Variants in CSMD3 observed in about 807,000 individuals in gnomAD.
The protein encoded by CSMD3 is CUB and Sushi multiple domains 3, also known as CUB and sushi domain-containing protein 3.
A neutral mutation model predicts 435.2 loss-of-function variants in CSMD3; 177 were observed. The ratio of observed to expected loss-of-function variants is 0.41; its 90% CI spans 0.36 to 0.46. The LOEUF (loss-of-function observed/expected upper bound fraction) is 0.46, where lower values mean the gene tolerates loss of function less well. Among genes scored for constraint, CSMD3 ranks in the 20% least tolerant of loss-of-function variants. The pLI is 0.34. For synonymous variants in CSMD3, 1,656 were observed against 1,520.5 expected, an observed-to-expected ratio of 1.09 and a Z score of -2.07; for missense variants, 4,265 against 4,504.6, an observed-to-expected ratio of 0.95 and a Z score of 1.52.
At chr8:113,322,663 A>G (rs998520599) in intron 1 of CSMD3, among the ~76,000 whole-genome samples, 1 of 152,206 alleles carries the variant, frequency 6.6e-6, no homozygotes, top group Non-Finnish European at 1.5e-5. Context: ...TTGATTCTAT[A>G]GATAAATTGG....
chr8:112,324,582 G>GT (rs375902979), intron 45 of CSMD3, among the ~76,000 whole-genome samples: 151 of 149,256 alleles, frequency 1.0e-3, no homozygotes, highest in Middle Eastern at 3.5e-3. Flanking sequence ...TGTGTGTGTG[G>GT]GTGTGTGTGT....
chr8:112,302,767 G>T (rs956535302), intron 52 of CSMD3, among the ~76,000 whole-genome samples: 2 of 151,722 alleles, frequency 1.3e-5, no homozygotes, highest in African/African-American at 4.8e-5. Context: ...ACTTGCAAGA[G>T]TTGCATATCA....
chr8:112,373,027 T>A (rs1329169851), intron 38 of CSMD3, among the ~76,000 whole-genome samples: 2 of 147,414 alleles, frequency 1.4e-5, no homozygotes, highest in South Asian at 2.1e-4. Flanking sequence ...TATATATTTT[T>A]TTTCTCATGA....
At position 112,800,274 on chromosome 8, in the gene CSMD3, C is replaced by A. The variant is rs2132330455; in HGVS notation, c.1860G>T (p.Val620=). The change falls in exon 13 of 71, where the codon GTG becomes GTT. Residue 620 remains valine (V), a splice_region_variant and synonymous_variant. Transcript: ENST00000297405. ...EVGDPRTVLQ[V]LTGSFVPDLI... is the part of the protein sequence containing the mutation. ...AGTCTGGTACAAAGCTTCCAGTCAG[C>A]CTAAAAAGAGATGGACAAAGAAGGG... is the stretch of plus-strand genomic sequence containing the variant. 1 of 1,601,704 alleles carries A rather than the reference C, an allele frequency of 6.2e-7. No individual in the cohort carries two copies. Among genetic ancestry groups the A allele is most frequent in the Non-Finnish European group, 8.6e-7 (1 of 1,169,220 alleles).
At chr8:113,202,789 G>A (rs1490867717) in intron 3 of CSMD3, among the ~76,000 whole-genome samples, 3 of 152,034 alleles carry the variant, frequency 2.0e-5, no homozygotes, top group Non-Finnish European at 4.4e-5. Context: ...TTATCTGTAG[G>A]TATAGACTTT....
intron 16 of CSMD3, among the ~76,000 whole-genome samples, chr8:112,669,768 A>G (rs1014402462): frequency 2.6e-5 from 4 of 152,146 alleles, no homozygotes; most frequent in Admixed American, 1.3e-4. Context: ...ACTTCTACTA[A>G]TGAACATTTA....
At chr8:112,587,992 T>C (rs1022574582) in intron 22 of CSMD3, among the ~76,000 whole-genome samples, 6 of 151,870 alleles carry the variant, frequency 4.0e-5, no homozygotes, top group African/African-American at 1.4e-4. Context: ...TCGAACTTAA[T>C]TTTAATGTAT....
Position 113,355,770 on chromosome 8 carries a change from G to GGT in CSMD3, c.179-40979_179-40978dup, listed in dbSNP as rs368397249. 1.3e-3 allele frequency among the ~76,000 whole-genome samples: 13 copies of GGT among 10,372 alleles called. 1 individual carries two copies. The South Asian group carries it at 0.015, about 12-fold the overall frequency. The allele number at this position is 10,372 out of a possible 152,430, so 6.8% of individuals were successfully genotyped here. ...TATATACACACACACACACACACGGGGTGTGTGTGTGTGTGTGTGTGTGTT... is the reference window on the plus strand; with the variant it reads ...TATATACACACACACACACACACGGGGTGTGTGTGTGTGTGTGTGTGTGTGTT... On this transcript the variant is annotated intron_variant, in intron 1 of 70. Coordinates refer to ENST00000297405, the MANE Select transcript of CSMD3 (RefSeq NM_198123.2).
intron 13 of CSMD3, among the ~76,000 whole-genome samples, chr8:112,782,059 G>A (rs1384027937): frequency 6.6e-6 from 1 of 151,934 alleles, no homozygotes; most frequent in African/African-American, 2.4e-5. Flanking sequence ...CAAACATCAA[G>A]ACCATTCAGG....
intron 13 of CSMD3, among the ~76,000 whole-genome samples, chr8:112,717,953 C>A (rs1340042457): frequency 6.6e-6 from 1 of 151,990 alleles, no homozygotes; most frequent in Non-Finnish European, 1.5e-5. Flanking sequence ...AGGACAAATA[C>A]CTTATGCATG....
In CSMD3 at chr8:112,739,518, A is replaced by C. The variant is rs2077257520; in HGVS notation, c.1973-49468T>G. ...GTTGTTTGTGCAGGAAGAAACAATG[A>C]GAACAAATTCAATTTGGCATTTCCA... On this transcript the variant is annotated intron_variant, in intron 13 of 70. Coordinates refer to ENST00000297405, the MANE Select transcript of CSMD3 (RefSeq NM_198123.2). Among the ~76,000 whole-genome samples the C allele has an allele frequency of 9.2e-5, 14 of 151,800 alleles. No individual in the cohort carries two copies. The Admixed American group carries it at 9.2e-4, about 10-fold the overall frequency.
intron 7 of CSMD3, among the ~76,000 whole-genome samples, chr8:112,966,780 C>G (rs2084432984): frequency 6.6e-6 from 1 of 151,846 alleles, no homozygotes; most frequent in African/African-American, 2.4e-5. Context: ...TAATTAGTGT[C>G]ATTAACATTG....
At chr8:113,344,046 A>T (rs2094136864) in intron 1 of CSMD3, among the ~76,000 whole-genome samples, 1 of 152,210 alleles carries the variant, frequency 6.6e-6, no homozygotes, top group African/African-American at 2.4e-5. Flanking sequence ...TTTCTATACT[A>T]ATATGCTACA....
chr8:112,259,043 A>G (rs1224855625), intron 61 of CSMD3, among the ~76,000 whole-genome samples: 3 of 152,046 alleles, frequency 2.0e-5, no homozygotes, highest in Non-Finnish European at 4.4e-5. Context: ...TATCTCCCAA[A>G]AAAAAAAGAA....
At chr8:113,425,807 T>C (rs1429675761) in intron 1 of CSMD3, among the ~76,000 whole-genome samples, 1 of 151,640 alleles carries the variant, frequency 6.6e-6, no homozygotes, top group Non-Finnish European at 1.5e-5. Context: ...GCATTTCTAT[T>C]ACAAACTTCA....
At chr8:112,481,365 G>A (rs756199151) in intron 31 of CSMD3, among the ~76,000 whole-genome samples, 71 of 152,106 alleles carry the variant, frequency 4.7e-4, no homozygotes, top group Non-Finnish European at 6.2e-4. Context: ...TAAGCTACTT[G>A]CAATTTCACA....
chr8:112,325,703 GATAT>G (rs1244666351), intron 45 of CSMD3, among the ~76,000 whole-genome samples: 1 of 151,920 alleles, frequency 6.6e-6, no homozygotes, highest in Non-Finnish European at 1.5e-5. Flanking sequence ...ATATACGTAT[GATAT>G]ATAACACATT....
Position 112,306,077 on chromosome 8 carries a change from T to C in CSMD3, c.8001A>G (p.Lys2667=), listed in dbSNP as rs1458042386. The change falls in exon 51 of 71, where the codon AAA becomes AAG. Residue 2667 remains lysine (K), a synonymous_variant. Transcript: ENST00000297405. ...FCNDGYRLSS[K]ELTTAVCQSD... Reference sequence around the variant, plus strand: ...ATTGGCATACAGCTGTAGTGAGTTCTTTGGATGACAATCGATATCCATCAT... The same window carrying C: ...ATTGGCATACAGCTGTAGTGAGTTCCTTGGATGACAATCGATATCCATCAT... The C allele has an allele frequency of 2.5e-6, 4 of 1,613,784 alleles. No individual in the cohort carries two copies. Among genetic ancestry groups the C allele is most frequent in the African/African-American group, 2.7e-5 (2 of 75,032 alleles).
intron 3 of CSMD3, among the ~76,000 whole-genome samples, chr8:113,261,934 A>G (rs2093430703): frequency 2.0e-5 from 3 of 152,134 alleles, no homozygotes; most frequent in East Asian, 1.9e-4. Context: ...CTTATCTTCA[A>G]AATAACCTTG....
Sources: allele counts gnomAD v4.1 joint callset (sites outside exome capture counted in the v4.1 genomes callset), GRCh38; gene constraint gnomAD v4.1.1; transcripts MANE v1.5; gene names NCBI Gene and HGNC (gene_info 2026-07-23, HGNC 2026-07-21).